Variants in NPEPPS observed in about 807,000 individuals in gnomAD.
NPEPPS encodes the protein puromycin-sensitive aminopeptidase.
A neutral mutation model predicts 115.5 loss-of-function variants in NPEPPS; 14 were observed. That is an observed-to-expected ratio of 0.12 (90% CI 0.08 to 0.19). NPEPPS has a LOEUF of 0.19. Ranked by LOEUF, NPEPPS falls within the 10% of genes least tolerant of loss-of-function variation. NPEPPS has a pLI of 1.00. For missense variants in NPEPPS, 523 were observed against 1,110.8 expected, an observed-to-expected ratio of 0.47 and a Z score of 7.52; for synonymous variants, 285 against 390.6, an observed-to-expected ratio of 0.73 and a Z score of 3.19.
upstream of NPEPPS, among the ~76,000 whole-genome samples, chr17:47,528,174 C>T (rs912097280): frequency 4.6e-5 from 7 of 151,424 alleles, no homozygotes; most frequent in African/African-American, 7.3e-5. Context: ...TGGTGGTGGG[C>T]GCCTGTAATC....
At chr17:47,563,818 C>T (rs1050777700) in intron 2 of NPEPPS, among the ~76,000 whole-genome samples, 1 of 152,092 alleles carries the variant, frequency 6.6e-6, no homozygotes, top group African/African-American at 2.4e-5. Flanking sequence ...GATCCGCCCT[C>T]CTTGGCCTCC....
chr17:47,565,540 CTTCATGTGGTGG>C (rs893883544), intron 2 of NPEPPS, among the ~76,000 whole-genome samples: 1 of 145,524 alleles, frequency 6.9e-6, no homozygotes, highest in Non-Finnish European at 1.5e-5. Context: ...TGATTCGAGG[CTTCATGTGGTGG>C]TTCATGCCTG....
chr17:47,566,810 C>T (rs1413766877), intron 2 of NPEPPS, among the ~76,000 whole-genome samples: 1 of 152,102 alleles, frequency 6.6e-6, no homozygotes, highest in East Asian at 1.9e-4. Flanking sequence ...CATGGTGGCT[C>T]AGCCCTGTAA....
intron 13 of NPEPPS, among the ~76,000 whole-genome samples, chr17:47,598,310 T>C (rs1171293179): frequency 1.3e-5 from 2 of 151,226 alleles, no homozygotes; most frequent in Non-Finnish European, 1.5e-5. Context: ...TCGTCTCTAC[T>C]AAAAGTAAAA....
intron 16 of NPEPPS, 143 bp from the exon 17 acceptor site, chr17:47,605,190 T>C (rs1913440999): frequency 2.0e-6 from 1 of 495,374 alleles, no homozygotes; most frequent in Non-Finnish European, 3.6e-6. Context: ...ATAGGATTTT[T>C]ATGCTAACAG....
Position 47,531,323 on chromosome 17 carries a change from C to T in NPEPPS, c.23C>T (p.Pro8Leu), listed in dbSNP as rs1443379208. 6.7e-7 allele frequency: 1 copy of T among 1,482,560 alleles called. No individual in the cohort carries two copies. Among genetic ancestry groups the T allele is most frequent in the Non-Finnish European group, 9.2e-7 (1 of 1,091,882 alleles). 91.8% of individuals were successfully genotyped at this position (1,482,560 alleles called of 1,614,324 possible). ...TGGATGTGGCTGGCAGCTGCCGCCCCCTCCCTCGCTCGCCGCCTGCTCTTC... is the reference window on the plus strand; with the variant it reads ...TGGATGTGGCTGGCAGCTGCCGCCCTCTCCCTCGCTCGCCGCCTGCTCTTC... MWLAAAA[P>L]SLARRLLFLG... is the part of the protein sequence containing the mutation. Residue 8 changes from proline (P) to leucine (L), a missense_variant, in exon 1 of 23, where the codon CCC becomes CTC. Pro to Leu is a moderately conservative substitution (Grantham distance 98). This residue lies in a region of NPEPPS where 144 missense variants were observed against 512.4 expected (regional missense o/e 0.28). Coordinates refer to ENST00000322157, the MANE Select transcript of NPEPPS (RefSeq NM_006310.4).
At chr17:47,616,808 G>C (rs1207246585) in intron 19 of NPEPPS, among the ~76,000 whole-genome samples, 6 of 147,162 alleles carry the variant, frequency 4.1e-5, no homozygotes, top group African/African-American at 1.5e-4. Flanking sequence ...AAAGAGACCA[G>C]CCTGGTCAAC....
At chr17:47,587,031 T>TAATTAAA (rs1912234793) in intron 8 of NPEPPS, 199 bp from the exon 9 acceptor site, 1 of 493,218 alleles carries the variant, frequency 2.0e-6, no homozygotes, top group East Asian at 3.8e-5. Flanking sequence ...TTGTGTCACA[T>TAATTAAA]CTTTGATATT....
chr17:47,580,388 T>C (rs1911799946), intron 4 of NPEPPS: 1 of 152,216 alleles, frequency 6.6e-6, no homozygotes, highest in Non-Finnish European at 1.5e-5. Context: ...GGTTGGCTGA[T>C]GTATGTCTCT....
At chr17:47,604,151 T>A (rs757080501) in intron 16 of NPEPPS, 102 bp downstream of exon 16, 43 of 1,140,290 alleles carry the variant, frequency 3.8e-5, no homozygotes, top group Non-Finnish European at 4.7e-5. Context: ...TGGGTCTTCA[T>A]GATGGTTAAA....
At chr17:47,593,489 G>A (rs200060048) in intron 12 of NPEPPS, among the ~76,000 whole-genome samples, 1,585 of 152,232 alleles carry the variant, frequency 0.01, 73 homozygotes, top group East Asian at 0.1. Context: ...GAGCCCAGGA[G>A]TTTGAGGTTA....
At chr17:47,560,356 A>G (rs1910348900) in intron 2 of NPEPPS, among the ~76,000 whole-genome samples, 1 of 152,224 alleles carries the variant, frequency 6.6e-6, no homozygotes, top group Non-Finnish European at 1.5e-5. Context: ...GGGGCACCCT[A>G]GAAGGAATTT....
chr17:47,591,562 G>T (rs551578147), intron 10 of NPEPPS, among the ~76,000 whole-genome samples: 2 of 152,092 alleles, frequency 1.3e-5, no homozygotes, highest in African/African-American at 4.8e-5. Flanking sequence ...TAAAGAACTA[G>T]AGTTATAATG....
chr17:47,594,853 C>T (rs545880041), intron 12 of NPEPPS, among the ~76,000 whole-genome samples: 10 of 151,832 alleles, frequency 6.6e-5, no homozygotes, highest in South Asian at 2.1e-4. Flanking sequence ...AGGATGGTCT[C>T]GATCTCCTGA....
chr17:47,569,273 T>G (rs1911042592), intron 2 of NPEPPS, 144 bp from the exon 3 acceptor site: 1 of 605,708 alleles, frequency 1.7e-6, no homozygotes, highest in African/African-American at 1.9e-5. Context: ...TCATTTGAAA[T>G]GAAACTCTTG....
intron 1 of NPEPPS, among the ~76,000 whole-genome samples, chr17:47,540,721 G>A (rs1356634542): frequency 6.6e-6 from 1 of 152,212 alleles, no homozygotes; most frequent in Non-Finnish European, 1.5e-5. Flanking sequence ...TTTAACCTGT[G>A]TGTGTGTATG....
intron 1 of NPEPPS, among the ~76,000 whole-genome samples, chr17:47,537,458 CT>C (rs1228598276): frequency 2.0e-5 from 3 of 152,064 alleles, no homozygotes; most frequent in Non-Finnish European, 4.4e-5. Flanking sequence ...CTTTGGGAGG[CT>C]GAGGTGGGTG....
rs116297483 is a variant in NPEPPS, at chr17:47,540,754, G to C, written c.256-5155G>C. 7.7e-3 allele frequency among the ~76,000 whole-genome samples: 1,175 copies of C among 152,292 alleles called. 19 individuals are homozygous for C. Among genetic ancestry groups the C allele is most frequent in the African/African-American group, 0.026 (1,076 of 41,558 alleles). Reference sequence around the variant, plus strand: ...ATGTGTATGTCTTAACATCTATTAAGTGATGACTACATATGAAGCACTAAG... The same window carrying C: ...ATGTGTATGTCTTAACATCTATTAACTGATGACTACATATGAAGCACTAAG... On this transcript the variant is annotated intron_variant, in intron 1 of 22. Coordinates refer to ENST00000322157, the MANE Select transcript of NPEPPS (RefSeq NM_006310.4).
chr17:47,549,773 T>C (rs1909500530), intron 2 of NPEPPS, among the ~76,000 whole-genome samples: 1 of 119,856 alleles, frequency 8.3e-6, no homozygotes, highest in Non-Finnish European at 1.7e-5. Context: ...AGAGCAAGAC[T>C]CTGTCTCAAA....
Sources: allele counts gnomAD v4.1 joint callset (sites outside exome capture counted in the v4.1 genomes callset), GRCh38; gene constraint gnomAD v4.1.1; regional missense constraint gnomAD v4.1.1; transcripts MANE v1.5; gene names NCBI Gene and HGNC (gene_info 2026-07-23, HGNC 2026-07-21).